The following SLC25A40 variants were observed in gnomAD, a reference collection of about 807,000 sequenced individuals.
The protein encoded by SLC25A40 is mitochondrial glutathione transporter SLC25A40.
In SLC25A40, 41 loss-of-function variants were observed where a neutral mutation model predicts 46.5. The ratio of observed to expected loss-of-function variants is 0.88; its 90% CI spans 0.69 to 1.14. SLC25A40 has a LOEUF of 1.14. SLC25A40 is among the 50% of genes most tolerant of loss of function. The pLI is 0.00. For synonymous variants in SLC25A40, 126 were observed against 127.5 expected, an observed-to-expected ratio of 0.99 and a Z score of 0.08; for missense variants, 386 against 393.6, an observed-to-expected ratio of 0.98 and a Z score of 0.16.
At chr7:87,848,587 T>C (rs1440289611) in intron 6 of SLC25A40, among the ~76,000 whole-genome samples, 2 of 152,182 alleles carry the variant, frequency 1.3e-5, no homozygotes, top group Non-Finnish European at 2.9e-5. Context: ...CTGTGGACCA[T>C]ATATCACTCC....
chr7:87,843,560 AAAAC>A (rs1476430652), intron 9 of SLC25A40, among the ~76,000 whole-genome samples, 190 bp downstream of exon 9: 2 of 152,110 alleles, frequency 1.3e-5, no homozygotes, highest in Non-Finnish European at 2.9e-5. Flanking sequence ...TTGTAACATA[AAAAC>A]AAATACAGTA....
At chr7:87,846,910 C>A in intron 8 of SLC25A40, 39 bp downstream of exon 8, 1 of 1,517,986 alleles carries the variant, frequency 6.6e-7, no homozygotes, top group Non-Finnish European at 8.9e-7. Flanking sequence ...GAGACAAAGC[C>A]ATGTAAAATT....
intron 11 of SLC25A40, 34 bp downstream of exon 11, chr7:87,836,696 C>T: frequency 7.5e-7 from 1 of 1,333,692 alleles, no homozygotes; most frequent in Non-Finnish European, 1.0e-6. Flanking sequence ...AGTAATCATT[C>T]TATTCAATGA....
intron 1 of SLC25A40, among the ~76,000 whole-genome samples, chr7:87,875,432 CTG>C (rs1838979569): frequency 6.6e-6 from 1 of 152,154 alleles, no homozygotes; most frequent in Non-Finnish European, 1.5e-5. Context: ...CGCTGATACT[CTG>C]ACTTCCTTGA....
chr7:87,840,983 C>T (rs1838323038), intron 10 of SLC25A40, among the ~76,000 whole-genome samples: 1 of 151,592 alleles, frequency 6.6e-6, no homozygotes, highest in South Asian at 2.1e-4. Context: ...TGGTTTGCTA[C>T]ACTTTCTAAA....
chr7:87,871,736 T>C (rs1033934748), intron 1 of SLC25A40, among the ~76,000 whole-genome samples: 2 of 152,222 alleles, frequency 1.3e-5, no homozygotes, highest in African/African-American at 4.8e-5. Context: ...AATTTAACCA[T>C]CTATGTTTAT....
chr7:87,843,066 C>T (rs1242460487), intron 9 of SLC25A40, among the ~76,000 whole-genome samples: 1 of 152,054 alleles, frequency 6.6e-6, no homozygotes, highest in African/African-American at 2.4e-5. Context: ...GTCTGCATCA[C>T]TTCACTCTGC....
intron 9 of SLC25A40, chr7:87,842,066 A>G: frequency 2.8e-6 from 1 of 358,290 alleles, no homozygotes; most frequent in Non-Finnish European, 5.7e-6. Context: ...AAGATACAAC[A>G]CATATGTCAA....
rs777489646 is a variant in SLC25A40 at position 87,847,848 on chromosome 7, C to T, written c.457+5G>A. The stretch of plus-strand genomic sequence containing the variant: ...TCAAAATGAAAATAAAGATTTATTA[C>T]TCACATCTGGCTACAATTCCAGCAA... On this transcript the variant is annotated splice_donor_5th_base_variant and intron_variant, in intron 7 of 11. Transcript: ENST00000341119. The T allele has an allele frequency of 1.9e-6, 3 of 1,595,570 alleles. No homozygotes were observed. Among genetic ancestry groups the T allele is most frequent in the Non-Finnish European group, 2.6e-6 (3 of 1,174,880 alleles).
At chr7:87,873,484 G>A (rs1457488558) in intron 1 of SLC25A40, among the ~76,000 whole-genome samples, 1 of 147,148 alleles carries the variant, frequency 6.8e-6, no homozygotes, top group Non-Finnish European at 1.5e-5. Context: ...CCACGCTGGA[G>A]TGCAGTGGCG....
At chr7:87,851,937 T>G (rs779532075) in intron 5 of SLC25A40, among the ~76,000 whole-genome samples, 1 of 152,016 alleles carries the variant, frequency 6.6e-6, no homozygotes, top group Non-Finnish European at 1.5e-5. Flanking sequence ...AAAGAGAAAA[T>G]TTTTTTAAAA....
rs1357220736 is a variant in SLC25A40 at position 87,856,610 on chromosome 7, A to G, written c.98-259T>C. Among the ~76,000 whole-genome samples the G allele has an allele frequency of 2.0e-5, 3 of 152,154 alleles. 1 individual carries two copies. The highest frequency in any genetic ancestry group is 2.0e-4 in the Admixed American group (3 of 15,276). The stretch of plus-strand genomic sequence containing the variant: ...GTAATATTCCTACAACTATCATTAC[A>G]TTAGCATTAAAGTCAGTATTTATAA... On this transcript the variant is annotated intron_variant, in intron 3 of 11. Transcript: ENST00000341119.
rs1839017236 is a variant in SLC25A40 at position 87,876,242 on chromosome 7, C to A, written c.-240G>T. On this transcript the variant is annotated 5_prime_UTR_variant, in exon 1 of 12. Transcript: ENST00000341119. ...GAGCCGCGCCAACTCTCTGAGGCTG[C>A]GCCAAGACCTGAAGCGGCGGACCGA... The A allele has an allele frequency of 6.4e-6, 1 of 155,338 alleles. No individual in the cohort carries two copies. Among genetic ancestry groups the A allele is most frequent in the South Asian group, 2.0e-4 (1 of 4,918 alleles). 9.6% of individuals were successfully genotyped at this position (155,338 alleles called of 1,614,324 possible). A position where few individuals can be genotyped will look rare whatever the true frequency, so the allele number is the denominator to read the frequency against.
intron 5 of SLC25A40, among the ~76,000 whole-genome samples, chr7:87,852,866 A>G (rs952058669): frequency 6.6e-6 from 1 of 152,246 alleles, no homozygotes; most frequent in Non-Finnish European, 1.5e-5. Flanking sequence ...ACATAAAACT[A>G]ACTCAAAATG....
chr7:87,836,744 G>T lies in SLC25A40; in HGVS notation c.890C>A (p.Ser297Tyr). 6.5e-7 allele frequency: 1 copy of T among 1,544,594 alleles called. No homozygotes were observed. The highest frequency in any genetic ancestry group is 1.2e-5 in the South Asian group (1 of 80,806). ...AGTATTTTTACCTGAAAATAATCCG[G>T]AAAATCCATTTTTAGCAACAATGTT... ...MKNIVAKNGF[S>Y]GLFSGLIPRL... The change falls in exon 11 of 12, where the codon TCC (serine) becomes TAC (tyrosine). Residue 297 changes from serine (S) to tyrosine (Y), a missense_variant. Ser to Tyr is a moderately radical substitution (Grantham distance 144). Transcript: ENST00000341119.
At chr7:87,850,064 GC>G in intron 5 of SLC25A40, 116 bp from the exon 6 acceptor site, 1 of 668,148 alleles carries the variant, frequency 1.5e-6, no homozygotes, top group Non-Finnish European at 2.4e-6. Flanking sequence ...AAAAAAATAA[GC>G]TTTTTGGATT....
chr7:87,870,368 A>C (rs1049086991), intron 1 of SLC25A40, among the ~76,000 whole-genome samples: 2 of 152,048 alleles, frequency 1.3e-5, no homozygotes, highest in Non-Finnish European at 2.9e-5. Context: ...CGTCACTTTC[A>C]AGATTAACTT....
chr7:87,856,220 T>C (rs1838611323), intron 4 of SLC25A40, 72 bp downstream of exon 4: 2 of 1,288,972 alleles, frequency 1.6e-6, no homozygotes, highest in East Asian at 2.3e-5. Flanking sequence ...AAATGAATGT[T>C]AGGCAAAAAA....
In SLC25A40 at chr7:87,847,043, C is replaced by T. The variant is rs1838432327; in HGVS notation, c.537G>A (p.Leu179=). ...ATACTTTCTTGCTGACAAATCGATG[C>T]AGTTCCACGTAAGAAAACTTCTTGG... The part of the protein sequence containing the change: ...MQSKKFSYVE[L]HRFVSKKVSE... The change falls in exon 8 of 12, where the codon CTG becomes CTA. Residue 179 remains leucine, a synonymous_variant. Coordinates refer to ENST00000341119, the MANE Select transcript of SLC25A40 (RefSeq NM_018843.4). The T allele has an allele frequency of 2.5e-6, 4 of 1,613,730 alleles. No individual in the cohort carries two copies. The highest frequency in any genetic ancestry group is 3.4e-6 in the Non-Finnish European group (4 of 1,179,830).
Sources: gnomAD v4.1 joint callset for allele counts (sites outside exome capture counted in the v4.1 genomes callset) on GRCh38, gnomAD v4.1.1 for gene constraint, MANE v1.5 for transcripts, NCBI Gene and HGNC (gene_info 2026-07-23, HGNC 2026-07-21) for gene names.